The following RAB20 variants were observed in gnomAD, a reference collection of about 807,000 sequenced individuals.
The protein encoded by RAB20 is RAB20, member RAS oncogene family.
RAB20 carries 2 observed loss-of-function variants against 3.7 expected under a neutral mutation model. That is an observed-to-expected ratio of 0.54 (90% CI 0.22 to 1.69). The LOEUF is 1.69. RAB20 is among the 40% of genes most tolerant of loss of function. The probability of loss-of-function intolerance (pLI) is 0.19; values close to 1 mark genes in which losing one functional copy is unlikely to be tolerated. For synonymous variants in RAB20, 126 were observed against 130.8 expected (o/e 0.96, Z 0.25); for missense variants, 276 against 311.9 (o/e 0.88, Z 0.87).
At chr13:110,553,533 C>T (rs1437427995) in intron 1 of RAB20, among the ~76,000 whole-genome samples, 1 of 152,248 alleles carries the variant, frequency 6.6e-6, no homozygotes, top group Admixed American at 6.5e-5. Context: ...GTCTCTGTTG[C>T]AATGACTCAA....
chr13:110,558,556 G>A (rs9521842), intron 1 of RAB20, among the ~76,000 whole-genome samples: 123,904 of 151,422 alleles, frequency 0.82, 53,279 homozygotes, highest in East Asian at 0.96. Flanking sequence ...GCTAATTTTT[G>A]TATTTTTAGT....
At chr13:110,551,029 C>G (rs377031665) in intron 1 of RAB20, among the ~76,000 whole-genome samples, 1 of 152,142 alleles carries the variant, frequency 6.6e-6, no homozygotes, top group East Asian at 1.9e-4. Context: ...GTCAATACAT[C>G]GCTAAGAAAA....
In RAB20 at chr13:110,553,265, G is replaced by A. The variant is rs147618203; in HGVS notation, c.172+8083C>T. Among the ~76,000 whole-genome samples the A allele has an allele frequency of 2.0e-5, 3 of 152,322 alleles. No homozygotes were observed. In the East Asian group the frequency reaches 5.8e-4, roughly 29 times the overall value. ...AAGATCTTTTGTTCAGTAGGAGCTG[G>A]TGTTCATCTTAAATCCACCCTCACT... On this transcript the variant is annotated intron_variant, in intron 1 of 1. Coordinates refer to ENST00000267328, the MANE Select transcript of RAB20 (RefSeq NM_017817.3).
intron 1 of RAB20, among the ~76,000 whole-genome samples, chr13:110,552,731 A>C (rs1055779618): frequency 7.4e-6 from 1 of 135,828 alleles, no homozygotes; most frequent in Non-Finnish European, 1.7e-5. Context: ...AAATAAATAA[A>C]TAAAAATTTC....
chr13:110,527,489 G>A (rs1884450183), intron 1 of RAB20, among the ~76,000 whole-genome samples: 1 of 152,184 alleles, frequency 6.6e-6, no homozygotes, highest in Admixed American at 6.5e-5. Flanking sequence ...CCAGTCTGAG[G>A]GTCAAAGTGC....
intron 1 of RAB20, among the ~76,000 whole-genome samples, chr13:110,526,969 G>A (rs1031836211): frequency 2.6e-5 from 4 of 152,104 alleles, no homozygotes; most frequent in Admixed American, 6.5e-5. Context: ...TGTACCCCTC[G>A]GGGGCCGAGG....
intron 1 of RAB20, among the ~76,000 whole-genome samples, chr13:110,527,904 C>T (rs1334938961): frequency 5.7e-5 from 2 of 35,070 alleles, no homozygotes; most frequent in African/African-American, 1.4e-4. Flanking sequence ...TACAAATACA[C>T]ACACACACAC....
At position 110,555,076 on chromosome 13, in the gene RAB20, T is replaced by C. The variant is rs1489548327; in HGVS notation, c.172+6272A>G. Among the ~76,000 whole-genome samples, 1 of 152,038 alleles carries C rather than the reference T, an allele frequency of 6.6e-6. No individual in the cohort carries two copies. Among genetic ancestry groups the C allele is most frequent in the African/African-American group, 2.4e-5 (1 of 41,396 alleles). ...TCTGTAGGACGGCAACGTTGACGCC[T>C]CCCAGGAGGAGCCTTGTGAAAAGGA... On this transcript the variant is annotated intron_variant, in intron 1 of 1. Coordinates refer to ENST00000267328, the MANE Select transcript of RAB20 (RefSeq NM_017817.3). This position sits in a 1 kb window ranked among gnomAD's most constrained non-coding sequence, Gnocchi z 4.0.
intron 1 of RAB20, among the ~76,000 whole-genome samples, chr13:110,543,666 A>G (rs1263138666): frequency 5.9e-5 from 9 of 152,134 alleles, no homozygotes; most frequent in Non-Finnish European, 4.4e-5. Flanking sequence ...GGAGTCACAT[A>G]AAAAAGAATC....
chr13:110,529,694 G>A lies in RAB20; in HGVS notation c.173-5497C>T, dbSNP rs529890909. On this transcript the variant is annotated intron_variant, in intron 1 of 1. Coordinates refer to ENST00000267328, the MANE Select transcript of RAB20 (RefSeq NM_017817.3). ...GAGCCTGTGTGGCCACTACCAACAC[G>A]GGCCTGACATCATCAGGGCTGGGGG... Among the ~76,000 whole-genome samples the A allele has an allele frequency of 5.3e-5, 8 of 152,290 alleles. No homozygotes were observed. The East Asian group carries it at 1.5e-3, about 29-fold the overall frequency.
intron 1 of RAB20, among the ~76,000 whole-genome samples, chr13:110,528,793 T>C (rs1235163252): frequency 2.6e-5 from 4 of 152,174 alleles, no homozygotes. Context: ...AAGATCTTAG[T>C]AATGAAAGGA....
At chr13:110,529,713 C>G (rs1167996974) in intron 1 of RAB20, among the ~76,000 whole-genome samples, 1 of 152,156 alleles carries the variant, frequency 6.6e-6, no homozygotes, top group East Asian at 1.9e-4. Context: ...ATCATCAGGG[C>G]TGGGGGCACG....
chr13:110,553,669 G>A (rs9521836), intron 1 of RAB20, among the ~76,000 whole-genome samples: 28,366 of 152,214 alleles, frequency 0.19, 3,188 homozygotes, highest in East Asian at 0.34. Flanking sequence ...CCCCAGATCT[G>A]TAGAAAGACC....
chr13:110,538,064 A>T (rs1884679888), intron 1 of RAB20, among the ~76,000 whole-genome samples: 1 of 152,092 alleles, frequency 6.6e-6, no homozygotes, highest in Non-Finnish European at 1.5e-5. Flanking sequence ...ACATGGCAAA[A>T]CCACATCTCT....
intron 1 of RAB20, among the ~76,000 whole-genome samples, chr13:110,557,347 G>C (rs1001516481): frequency 2.0e-5 from 3 of 152,182 alleles, no homozygotes; most frequent in Non-Finnish European, 2.9e-5. Flanking sequence ...AGAACAGATA[G>C]GATGAGGGAA....
intron 1 of RAB20, among the ~76,000 whole-genome samples, chr13:110,549,989 G>A (rs1364949931): frequency 3.9e-5 from 6 of 152,306 alleles, no homozygotes; most frequent in Non-Finnish European, 7.4e-5. Flanking sequence ...CTCCCACACT[G>A]CTGGGATGAC....
chr13:110,527,762 A>G (rs1349401736), intron 1 of RAB20, among the ~76,000 whole-genome samples: 1 of 152,148 alleles, frequency 6.6e-6, no homozygotes, highest in Non-Finnish European at 1.5e-5. Flanking sequence ...CCACTACAGA[A>G]GATGATGATC....
At chr13:110,541,341 G>T (rs1884759211) in intron 1 of RAB20, among the ~76,000 whole-genome samples, 1 of 152,166 alleles carries the variant, frequency 6.6e-6, no homozygotes, top group South Asian at 2.1e-4. Context: ...TTTAGAATGT[G>T]CTTTTGCAAC....
chr13:110,534,110 G>T (rs1594130990), intron 1 of RAB20, among the ~76,000 whole-genome samples: 1 of 152,338 alleles, frequency 6.6e-6, no homozygotes, highest in African/African-American at 2.4e-5. Context: ...GGTGGGATCA[G>T]CATTTACATC....
Sources: allele counts gnomAD v4.1 joint callset (sites outside exome capture counted in the v4.1 genomes callset), GRCh38; gene constraint gnomAD v4.1.1; non-coding constraint Gnocchi (gnomAD v3.1); transcripts MANE v1.5; gene names NCBI Gene and HGNC (gene_info 2026-07-23, HGNC 2026-07-21).